NLRP10: variants seen among roughly 807,000 people sequenced by gnomAD.
The protein encoded by NLRP10 is NLR family pyrin domain containing 10.
NLRP10 carries 7 observed loss-of-function variants against 8.2 expected under a neutral mutation model. The observed-to-expected ratio is 0.85, with a 90% confidence interval of 0.48 to 1.60. The LOEUF (loss-of-function observed/expected upper bound fraction) is 1.60. Among genes scored for constraint, NLRP10 ranks in the 40% most tolerant of loss-of-function variants. The probability of loss-of-function intolerance (pLI) is 0.00; values close to 1 mark genes in which losing one functional copy is unlikely to be tolerated. For missense variants in NLRP10, 814 were observed against 776.3 expected, an observed-to-expected ratio of 1.05 and a Z score of -0.58; for synonymous variants, 338 against 314.0, an observed-to-expected ratio of 1.08 and a Z score of -0.81.
In NLRP10 at chr11:7,961,416, T is replaced by C. The variant is rs1380773936; in HGVS notation, c.290-94A>G. ...CTGACTCTGCTCATTAGTCTTCTTG[T>C]ATGTCTCCAACTTGGATCTTGCTGA... On this transcript the variant is annotated intron_variant, in intron 2 of 2. Transcript: ENST00000691676. 3.1e-5 allele frequency: 25 copies of C among 795,616 alleles called. No individual in the cohort carries two copies. The East Asian group carries it at 5.5e-4, about 17-fold the overall frequency. The allele number at this position is 795,616 out of a possible 1,614,324, so 49.3% of individuals were successfully genotyped here.
Position 7,960,440 on chromosome 11 carries a change from G to A in NLRP10, c.1172C>T (p.Thr391Ile). 2 of 1,614,064 alleles carry A rather than the reference G, an allele frequency of 1.2e-6. No individual in the cohort carries two copies. The highest frequency in any genetic ancestry group is 8.5e-7 in the Non-Finnish European group (1 of 1,180,044). ...CCCATCATCATCGGGCGGCAGAAAG[G>A]TGGAGACGTAAGCCATGAAGATGTC... ...STDIFMAYVS[T>I]FLPPDDDGGC... Residue 391 changes from threonine to isoleucine, a missense_variant, in exon 3 of 3, where the codon ACC becomes ATC. Physicochemically the swap from Thr to Ile is moderately conservative, Grantham distance 89. Transcript: ENST00000691676.
Position 7,960,375 on chromosome 11 carries a change from G to T in NLRP10, c.1237C>A (p.Leu413Met), listed in dbSNP as rs545999929. ...ELSRHRVLRSLCSLAAEGIQH... is the reference protein window; with the variant it reads ...ELSRHRVLRSMCSLAAEGIQH... ...ATCCCTTCAGCTGCTAGGGAGCACA[G>T]ACTCCTCAGGACCCTGTGCCGGGAA... is the stretch of plus-strand genomic sequence containing the variant. Residue 413 changes from leucine (L) to methionine (M), a missense_variant, in exon 3 of 3, where the codon CTG becomes ATG. By Grantham distance (15) the Leu-to-Met change is conservative. Coordinates refer to ENST00000691676, the MANE Select transcript of NLRP10 (RefSeq NM_001391958.1). 35 of 1,614,046 alleles carry T rather than the reference G, an allele frequency of 2.2e-5. 1 individual carries two copies. In the South Asian group the frequency reaches 3.7e-4, roughly 17 times the overall value.
At chr11:7,961,384 C>G in intron 2 of NLRP10, 62 bp from the exon 3 acceptor site, 1 of 1,055,138 alleles carries the variant, frequency 9.5e-7, no homozygotes, top group South Asian at 1.5e-5. Context: ...AAAATGGCCC[C>G]TCCAAACTGA....
Position 7,963,598 on chromosome 11 carries a change from G to A in NLRP10, c.-45-58C>T, listed in dbSNP as rs189223136. 1.6e-3 allele frequency: 1,699 copies of A among 1,061,852 alleles called. 6 individuals carry two copies. Among genetic ancestry groups the A allele is most frequent in the Middle Eastern group, 4.1e-3 (13 of 3,166 alleles). The allele number at this position is 1,061,852 out of a possible 1,614,324, so 65.8% of individuals were successfully genotyped here. ...CTGAGAGGCCCACCCTGCTTTCTGG[G>A]GGCTTGGCCAAGTTATAGAGCGGAG... is the stretch of plus-strand genomic sequence containing the variant. On this transcript the variant is annotated intron_variant, in intron 1 of 2. Transcript: ENST00000691676.
chr11:7,963,335 G>T lies in NLRP10; in HGVS notation c.161C>A (p.Pro54Gln), dbSNP rs536334085. The change falls in exon 2 of 3, where the codon CCG becomes CAG. Residue 54 changes from proline to glutamine, a missense_variant. Physicochemically the swap from Pro to Gln is moderately conservative, Grantham distance 76. Coordinates refer to ENST00000691676, the MANE Select transcript of NLRP10 (RefSeq NM_001391958.1). ...AATCAGTAATTCTGCCAGGTCCACCGGAATCAGGCCCTCCAACTCCCCTCT... is the reference window on the plus strand; with the variant it reads ...AATCAGTAATTCTGCCAGGTCCACCTGAATCAGGCCCTCCAACTCCCCTCT... ...LARGELEGLI[P>Q]VDLAELLISK... 1.2e-6 allele frequency: 2 copies of T among 1,614,220 alleles called. No homozygotes were observed. Among genetic ancestry groups the T allele is most frequent in the Admixed American group, 1.7e-5 (1 of 60,030 alleles).
chr11:7,963,831 C>A (rs566401771), intron 1 of NLRP10, among the ~76,000 whole-genome samples: 17 of 151,492 alleles, frequency 1.1e-4, no homozygotes, highest in Middle Eastern at 6.8e-3. Flanking sequence ...TCTCTCCCCC[C>A]ACTCCCTTCC....
At chr11:7,964,799 A>G (rs1941793551) in intron 1 of NLRP10, among the ~76,000 whole-genome samples, 2 of 152,236 alleles carry the variant, frequency 1.3e-5, no homozygotes, top group Admixed American at 6.5e-5. Flanking sequence ...TAGAACCAAA[A>G]TGTAGGCCAG....
At chr11:7,963,838 T>C in intron 1 of NLRP10, among the ~76,000 whole-genome samples, 1 of 149,706 alleles carries the variant, frequency 6.7e-6, no homozygotes, top group Admixed American at 6.6e-5. Flanking sequence ...CCCCACTCCC[T>C]TCCTCTTTCC....
rs1409848074 is a variant in NLRP10 at position 7,960,440 on chromosome 11, G to T, written c.1172C>A (p.Thr391Asn). ...STDIFMAYVS[T>N]FLPPDDDGGC... ...CCCATCATCATCGGGCGGCAGAAAG[G>T]TGGAGACGTAAGCCATGAAGATGTC... The change falls in exon 3 of 3, where the codon ACC (threonine) becomes AAC (asparagine). Residue 391 changes from threonine (T) to asparagine (N), a missense_variant. Thr to Asn is a moderately conservative substitution (Grantham distance 65). Transcript: ENST00000691676. 4 of 1,614,064 alleles carry T rather than the reference G, an allele frequency of 2.5e-6. No homozygotes were observed. In the South Asian group the frequency reaches 3.3e-5, roughly 13 times the overall value.
rs777852480 is a variant in NLRP10, at chr11:7,960,497, T to C, written c.1115A>G (p.Lys372Arg). ...GTTTCTAGGTGTCTCTAAGACAACT[T>C]TGCCTCTCTCCATCTGCCCCTGCAG... ...SWLQGQMERG[K>R]VVLETPRNST... The change falls in exon 3 of 3, where the codon AAA (lysine) becomes AGA (arginine). Residue 372 changes from lysine to arginine, a missense_variant. Coordinates refer to ENST00000691676, the MANE Select transcript of NLRP10 (RefSeq NM_001391958.1). 1.2e-6 allele frequency: 2 copies of C among 1,614,028 alleles called. No individual in the cohort carries two copies. The highest frequency in any genetic ancestry group is 3.3e-5 in the Admixed American group (2 of 60,008).
At chr11:7,961,442 G>C in intron 2 of NLRP10, 120 bp from the exon 3 acceptor site, 1 of 696,514 alleles carries the variant, frequency 1.4e-6, no homozygotes, top group East Asian at 2.6e-5. Flanking sequence ...ATCTTGCTGA[G>C]ATTATAGTTC....
Position 7,958,121 on chromosome 11 carries a change from G to A in NLRP10, c.*1523C>T, listed in dbSNP as rs1941650506. ...ACAGTTTGCTTATCCATCACCTATT[G>A]AAGGACATCTTGGTTGCTTCCAAAT... On this transcript the variant is annotated 3_prime_UTR_variant, in exon 3 of 3. Coordinates refer to ENST00000691676, the MANE Select transcript of NLRP10 (RefSeq NM_001391958.1). Among the ~76,000 whole-genome samples the A allele has an allele frequency of 6.6e-6, 1 of 152,078 alleles. No individual in the cohort carries two copies. Among genetic ancestry groups the A allele is most frequent in the Non-Finnish European group, 1.5e-5 (1 of 68,004 alleles).
Sources: allele counts gnomAD v4.1 joint callset (sites outside exome capture counted in the v4.1 genomes callset), GRCh38; gene constraint gnomAD v4.1.1; transcripts MANE v1.5; gene names NCBI Gene and HGNC (gene_info 2026-07-23, HGNC 2026-07-21).